STK26: variants seen among roughly 807,000 people sequenced by gnomAD.
STK26 encodes the protein serine/threonine kinase 26.
A neutral mutation model predicts 34.7 loss-of-function variants in STK26; 14 were observed. That is an observed-to-expected ratio of 0.40 (90% CI 0.27 to 0.63). The LOEUF is 0.63. STK26 is among the 30% of genes least tolerant of loss of function. STK26 has a pLI of 0.38. For synonymous variants in STK26, 100 were observed against 109.8 expected, an observed-to-expected ratio of 0.91 and a Z score of 0.56; for missense variants, 226 against 309.1, an observed-to-expected ratio of 0.73 and a Z score of 2.02.
intron 2 of STK26, among the ~76,000 whole-genome samples, chrX:132,040,956 C>G (rs1926242962): frequency 8.9e-6 from 1 of 111,824 alleles, no homozygotes; most frequent in Non-Finnish European, 1.9e-5. Context: ...AAATGACCAT[C>G]AGGCATTATT....
At chrX:132,061,171 A>G (rs1927041905) in intron 3 of STK26, among the ~76,000 whole-genome samples, 1 of 112,210 alleles carries the variant, frequency 8.9e-6, no homozygotes, top group South Asian at 3.7e-4. Flanking sequence ...CATGTTTTAT[A>G]AGATCTTTTT....
intron 3 of STK26, among the ~76,000 whole-genome samples, chrX:132,062,884 T>G (rs1002175941): frequency 3.6e-5 from 4 of 112,065 alleles, no homozygotes; most frequent in Non-Finnish European, 7.5e-5. Context: ...ATTTGGAATG[T>G]TCTATGGAAA....
At chrX:132,028,171 G>C (rs973869015) in intron 2 of STK26, among the ~76,000 whole-genome samples, 4 of 109,418 alleles carry the variant, frequency 3.7e-5, no homozygotes, top group African/African-American at 1.0e-4. Context: ...GGCTACAGAG[G>C]CTATTTCAAT....
intron 2 of STK26, among the ~76,000 whole-genome samples, chrX:132,040,221 C>G (rs762854033): frequency 1.8e-5 from 2 of 112,804 alleles, no homozygotes; most frequent in East Asian, 2.8e-4. Flanking sequence ...AAAGGTTTGC[C>G]GATCCCTGCC....
At chrX:132,040,312 T>C (rs1475583005) in intron 2 of STK26, among the ~76,000 whole-genome samples, 1 of 112,338 alleles carries the variant, frequency 8.9e-6, no homozygotes, top group East Asian at 2.8e-4. Context: ...GTTGTGGATA[T>C]AGTATGACAA....
intron 2 of STK26, among the ~76,000 whole-genome samples, chrX:132,040,480 G>A (rs998208789): frequency 3.6e-5 from 4 of 112,079 alleles, no homozygotes; most frequent in African/African-American, 9.7e-5. Flanking sequence ...TACATAGAAT[G>A]TTGTATTGGT....
chrX:132,049,767 A>G (rs190368139), intron 2 of STK26, among the ~76,000 whole-genome samples: 1 of 112,264 alleles, frequency 8.9e-6, no homozygotes, highest in East Asian at 2.8e-4. Flanking sequence ...CTCATCAATG[A>G]GTCACTGATA....
At chrX:132,032,504 A>T (rs1433484886) in intron 2 of STK26, among the ~76,000 whole-genome samples, 1 of 111,785 alleles carries the variant, frequency 8.9e-6, no homozygotes, top group Non-Finnish European at 1.9e-5. Context: ...TTTCTTTGTG[A>T]TCCTTGTAAC....
chrX:132,072,691 G>A (rs1321816830), intron 9 of STK26, 122 bp from the exon 10 acceptor site: 2 of 709,150 alleles, frequency 2.8e-6, no homozygotes, highest in Admixed American at 2.7e-5. Context: ...TTAGAGACTT[G>A]CCTTGCATAC....
intron 2 of STK26, among the ~76,000 whole-genome samples, chrX:132,024,341 T>C (rs1184054814): frequency 9.0e-6 from 1 of 111,562 alleles, no homozygotes; most frequent in African/African-American, 3.3e-5. Context: ...TAAAGGAAGC[T>C]TTTTGTCTTG....
At chrX:132,059,666 A>G (rs759260971) in intron 3 of STK26, among the ~76,000 whole-genome samples, 1 of 111,866 alleles carries the variant, frequency 8.9e-6, no homozygotes, top group African/African-American at 3.2e-5. Flanking sequence ...AAATCTTAAA[A>G]TGACACTCAG....
intron 2 of STK26, among the ~76,000 whole-genome samples, 186 bp downstream of exon 2, chrX:132,023,845 C>T (rs774074552): frequency 8.9e-5 from 10 of 112,342 alleles, no homozygotes; most frequent in Non-Finnish European, 1.7e-4. Context: ...AGGTAGTGCT[C>T]TTCGCTGGGA....
chrX:132,069,377 G>C (rs1406270037), intron 6 of STK26, 101 bp from the exon 7 acceptor site: 5 of 167,017 alleles, frequency 3.0e-5, no homozygotes, highest in Non-Finnish European at 4.0e-5. Flanking sequence ...TAGTATATTG[G>C]AATGGAGTTT....
chrX:132,063,529 T>C (rs753588068), intron 4 of STK26, 40 bp downstream of exon 4: 5 of 1,131,570 alleles, frequency 4.4e-6, no homozygotes, highest in Non-Finnish European at 3.6e-6. Context: ...TGCAAATGTG[T>C]GCATATGCAC....
intron 3 of STK26, among the ~76,000 whole-genome samples, chrX:132,061,813 T>A (rs1003200323): frequency 9.0e-6 from 1 of 111,167 alleles, no homozygotes; most frequent in African/African-American, 3.3e-5. Context: ...CTCATGGAGA[T>A]GCCTGGAAAT....
rs146248804 is a variant in STK26, at chrX:132,029,123, G to A, written c.42+5464G>A. ...GGGAGAATAAACAGGAATTGGGTAT[G>A]ATAGGACATGTGCCTTCAACAGTAA... On this transcript the variant is annotated intron_variant, in intron 2 of 11. Coordinates refer to ENST00000394334, the MANE Select transcript of STK26 (RefSeq NM_016542.4). 4.0e-3 allele frequency among the ~76,000 whole-genome samples: 450 copies of A among 111,900 alleles called. 3 individuals are homozygous for A. Among genetic ancestry groups the A allele is most frequent in the African/African-American group, 0.014 (423 of 30,732 alleles).
At chrX:132,057,801 G>A (rs1926909376) in intron 3 of STK26, among the ~76,000 whole-genome samples, 1 of 111,892 alleles carries the variant, frequency 8.9e-6, no homozygotes, top group Non-Finnish European at 1.9e-5. Flanking sequence ...ATTACACACT[G>A]TATTAGGTGC....
At chrX:132,034,388 G>A (rs1925967180) in intron 2 of STK26, among the ~76,000 whole-genome samples, 1 of 88,052 alleles carries the variant, frequency 1.1e-5, no homozygotes, top group Non-Finnish European at 2.1e-5. Flanking sequence ...CTCACTGCAA[G>A]CTCCGCCTCC....
intron 2 of STK26, among the ~76,000 whole-genome samples, chrX:132,028,457 A>AAGTACATATGTCCAATAAGT (rs1925694642): frequency 9.0e-6 from 1 of 111,336 alleles, no homozygotes; most frequent in Non-Finnish European, 1.9e-5. Flanking sequence ...TGGGATGACA[A>AAGTACATATGTCCAATAAGT]AGTACATATG....
Sources: allele counts gnomAD v4.1 joint callset (sites outside exome capture counted in the v4.1 genomes callset), GRCh38; gene constraint gnomAD v4.1.1; transcripts MANE v1.5; gene names NCBI Gene and HGNC (gene_info 2026-07-23, HGNC 2026-07-21).